The following RNF133 variants were observed in gnomAD, a reference collection of about 807,000 sequenced individuals.
RNF133 encodes the protein ring finger protein 133.
For synonymous variants in RNF133, 153 were observed against 152.1 expected (o/e 1.01, Z -0.04); for missense variants, 469 against 450.5 (o/e 1.04, Z -0.37).
rs1042725911 is a variant in RNF133 at position 122,698,981 on chromosome 7, T to A, written c.-63A>T. The A allele has an allele frequency of 6.7e-6, 8 of 1,194,922 alleles. No homozygotes were observed. The African/African-American group carries it at 1.2e-4, about 18-fold the overall frequency. The allele number at this position is 1,194,922 out of a possible 1,614,324, so 74.0% of individuals were successfully genotyped here. On this transcript the variant is annotated 5_prime_UTR_variant, in exon 1 of 1. Transcript: ENST00000340112. ...AGTTGCACATCTGTTGACAATTAATTTAAAATAACGAAGAGAAAAAAATCT... is the reference window on the plus strand; with the variant it reads ...AGTTGCACATCTGTTGACAATTAATATAAAATAACGAAGAGAAAAAAATCT...
Position 122,698,321 on chromosome 7 carries a change from C to G in RNF133, c.598G>C (p.Ala200Pro), listed in dbSNP as rs774528380. ...TAAAAGATGAAATATGCTAAGGTAG[C>G]AGTTGTGACAATCACAAAAGAGACC... is the stretch of plus-strand genomic sequence containing the variant. ...YLVSFVIVTT[A>P]TLAYFIFYHI... Residue 200 changes from alanine (A) to proline (P), a missense_variant, in exon 1 of 1, where the codon GCT becomes CCT. By Grantham distance (27) the Ala-to-Pro change is conservative. Coordinates refer to ENST00000340112, the MANE Select transcript of RNF133 (RefSeq NM_139175.2). 2 of 1,613,944 alleles carry G rather than the reference C, an allele frequency of 1.2e-6. No individual in the cohort carries two copies. The highest frequency in any genetic ancestry group is 1.7e-6 in the Non-Finnish European group (2 of 1,179,946).
rs1452364127 is a variant in RNF133 at position 122,698,508 on chromosome 7, G to A, written c.411C>T (p.Asn137=). 6.2e-7 allele frequency: 1 copy of A among 1,613,948 alleles called. No homozygotes were observed. Among genetic ancestry groups the A allele is most frequent in the Non-Finnish European group, 8.5e-7 (1 of 1,179,914 alleles). Residue 137 remains asparagine (N), a synonymous_variant, in exon 1 of 1, where the codon AAC becomes AAT. Coordinates refer to ENST00000340112, the MANE Select transcript of RNF133 (RefSeq NM_139175.2). ...VIIYNVPGTG[N]QVFPMFHQAF... is the part of the protein sequence containing the mutation. ...CCTGATGAAACATGGGGAACACCTGGTTGCCAGTACCTGGAACGTTATAGA... is the reference window on the plus strand; with the variant it reads ...CCTGATGAAACATGGGGAACACCTGATTGCCAGTACCTGGAACGTTATAGA...
rs1186616206 is a variant in RNF133, at chr7:122,698,649, G to T, written c.270C>A (p.Thr90=). Residue 90 remains threonine, a synonymous_variant, in exon 1 of 1, where the codon ACC becomes ACA. Transcript: ENST00000340112. ...CTGAGTACTTTGATCGGCTGAAAATGGTATTGGGATTACATGCATTTTGGA... is the reference window on the plus strand; with the variant it reads ...CTGAGTACTTTGATCGGCTGAAAATTGTATTGGGATTACATGCATTTTGGA... ...GKIQNACNPN[T]IFSRSKYSET... 25 of 1,613,864 alleles carry T rather than the reference G, an allele frequency of 1.5e-5. No homozygotes were observed. Among genetic ancestry groups the T allele is most frequent in the Non-Finnish European group, 2.1e-5 (25 of 1,179,942 alleles).
chr7:122,697,807 T>A lies in RNF133; in HGVS notation c.1112A>T (p.Asp371Val). 1 of 1,585,584 alleles carries A rather than the reference T, an allele frequency of 6.3e-7. No homozygotes were observed. Among genetic ancestry groups the A allele is most frequent in the Non-Finnish European group, 8.6e-7 (1 of 1,169,588 alleles). The change falls in exon 1 of 1, where the codon GAT (aspartate) becomes GTT (valine). Residue 371 changes from aspartate to valine, a missense_variant. Coordinates refer to ENST00000340112, the MANE Select transcript of RNF133 (RefSeq NM_139175.2). ...ATGCCATCAAGGTGAAGGATGAACA[T>A]CTTCCACTACTGAATGAGGCTGGAT... ...NDIQPHSVVE[D>V]VHPSP
Position 122,698,945 on chromosome 7 carries a change from AC to A in RNF133, c.-28del, listed in dbSNP as rs1564098133. 6.7e-7 allele frequency: 1 copy of A among 1,503,568 alleles called. No homozygotes were observed. Among genetic ancestry groups the A allele is most frequent in the Non-Finnish European group, 8.9e-7 (1 of 1,119,480 alleles). 93.1% of individuals were successfully genotyped at this position (1,503,568 alleles called of 1,614,324 possible). On this transcript the variant is annotated 5_prime_UTR_variant, in exon 1 of 1. Transcript: ENST00000340112. ...TCTCTCTTCTCCGAGTGACTTAAGAACCAACCTAACAGTTGCACATCTGTTG... is the reference window on the plus strand; with the variant it reads ...TCTCTCTTCTCCGAGTGACTTAAGAACAACCTAACAGTTGCACATCTGTTG...
rs2085626535 is a variant in RNF133, at chr7:122,699,107, A to C, written c.-189T>G. ...GATGTCTTACTAGAGAGAGGTGAAA[A>C]ACTTTAGATTGAAAAATAAATCCCC... On this transcript the variant is annotated 5_prime_UTR_variant, in exon 1 of 1. Transcript: ENST00000340112. The C allele has an allele frequency of 3.7e-6, 2 of 547,756 alleles. No homozygotes were observed. The highest frequency in any genetic ancestry group is 6.5e-6 in the Non-Finnish European group (2 of 305,844). The allele number at this position is 547,756 out of a possible 1,614,324, so 33.9% of individuals were successfully genotyped here.
Position 122,697,890 on chromosome 7 carries a change from T to C in RNF133, c.1029A>G (p.Ala343=). Residue 343 remains alanine (A), a synonymous_variant, in exon 1 of 1, where the codon GCA becomes GCG. Coordinates refer to ENST00000340112, the MANE Select transcript of RNF133 (RefSeq NM_139175.2). ...EEETNNEVSP[A]GTSDKVIHVE... ...CATGGATTACTTTATCTGAGGTTCC[T>C]GCAGGAGAAACTTCATTATTTGTCT... 1 of 1,613,792 alleles carries C rather than the reference T, an allele frequency of 6.2e-7. No homozygotes were observed. Among genetic ancestry groups the C allele is most frequent in the Non-Finnish European group, 8.5e-7 (1 of 1,179,690 alleles).
chr7:122,698,647 A>T lies in RNF133; in HGVS notation c.272T>A (p.Ile91Asn). The T allele has an allele frequency of 1.2e-6, 2 of 1,614,016 alleles. No homozygotes were observed. The highest frequency in any genetic ancestry group is 1.7e-6 in the Non-Finnish European group (2 of 1,179,938). ...KIQNACNPNT[I>N]FSRSKYSETW... is the part of the protein sequence containing the mutation. Reference sequence around the variant, plus strand: ...CTCTGAGTACTTTGATCGGCTGAAAATGGTATTGGGATTACATGCATTTTG... The same window carrying T: ...CTCTGAGTACTTTGATCGGCTGAAATTGGTATTGGGATTACATGCATTTTG... The change falls in exon 1 of 1, where the codon ATT (isoleucine) becomes AAT (asparagine). Residue 91 changes from isoleucine to asparagine, a missense_variant. Transcript: ENST00000340112.
In RNF133 at chr7:122,698,585, A is replaced by G. The variant is rs369124530; in HGVS notation, c.334T>C (p.Phe112Leu). The G allele has an allele frequency of 4.3e-6, 7 of 1,614,056 alleles. No homozygotes were observed. The highest frequency in any genetic ancestry group is 3.3e-5 in the South Asian group (3 of 91,076). The change falls in exon 1 of 1, where the codon TTC becomes CTC. Residue 112 changes from phenylalanine to leucine, a missense_variant. By Grantham distance (22) the Phe-to-Leu change is conservative. Transcript: ENST00000340112. ...GTTGCCACTTTAATTTTCTGTGTGAAGGTACAACCTCCCCGTTCAATAAGT... is the reference window on the plus strand; with the variant it reads ...GTTGCCACTTTAATTTTCTGTGTGAGGGTACAACCTCCCCGTTCAATAAGT... ...LALIERGGCT[F>L]TQKIKVATEK...
Position 122,698,436 on chromosome 7 carries a change from C to T in RNF133, c.483G>A (p.Thr161=), listed in dbSNP as rs1423058322. ...CCTTCTTAATTAAATGGAAAATTTC[C>T]GTGCCTTTTAAGTTACCAATCATAA... ...VVVMIGNLKG[T]EIFHLIKKGV... is the part of the protein sequence containing the mutation. Residue 161 remains threonine, a synonymous_variant, in exon 1 of 1, where the codon ACG becomes ACA. Transcript: ENST00000340112. 11 of 1,613,806 alleles carry T rather than the reference C, an allele frequency of 6.8e-6. No homozygotes were observed. The highest frequency in any genetic ancestry group is 1.6e-4 in the Middle Eastern group (1 of 6,084).
At position 122,698,267 on chromosome 7, in the gene RNF133, T is replaced by A; in HGVS notation, c.652A>T (p.Ile218Phe). The A allele has an allele frequency of 1.9e-6, 3 of 1,614,044 alleles. No homozygotes were observed. Among genetic ancestry groups the A allele is most frequent in the Non-Finnish European group, 2.5e-6 (3 of 1,179,952 alleles). Reference sequence around the variant, plus strand: ...AATCGCTGCCATCTCCGGTTCTGAATCCTTGCTAAACAAAGTCTATGAATG... The same window carrying A: ...AATCGCTGCCATCTCCGGTTCTGAAACCTTGCTAAACAAAGTCTATGAATG... ...YHIHRLCLAR[I>F]QNRRWQRLTT... The change falls in exon 1 of 1, where the codon ATT becomes TTT. Residue 218 changes from isoleucine (I) to phenylalanine (F), a missense_variant. Transcript: ENST00000340112.
In RNF133 at chr7:122,698,072, T is replaced by C. The variant is rs188472847; in HGVS notation, c.847A>G (p.Ile283Val). 1.6e-5 allele frequency: 26 copies of C among 1,614,036 alleles called. 1 individual carries two copies. The Middle Eastern group carries it at 6.6e-4, about 41-fold the overall frequency. Reference sequence around the variant, plus strand: ...CCATGGGGTAAAATCCAGGGGTCAATGCAATTCTTGTGGAAAAAATGTTTA... The same window carrying C: ...CCATGGGGTAAAATCCAGGGGTCAACGCAATTCTTGTGGAAAAAATGTTTA... ...TCKHFFHKNC[I>V]DPWILPHGTC... The change falls in exon 1 of 1, where the codon ATT (isoleucine) becomes GTT (valine). Residue 283 changes from isoleucine (I) to valine (V), a missense_variant. By Grantham distance (29) the Ile-to-Val change is conservative (BLOSUM62 3). Coordinates refer to ENST00000340112, the MANE Select transcript of RNF133 (RefSeq NM_139175.2).
At position 122,697,822 on chromosome 7, in the gene RNF133, T is replaced by C; in HGVS notation, c.1097A>G (p.His366Arg). The C allele has an allele frequency of 2.5e-6, 4 of 1,598,434 alleles. No individual in the cohort carries two copies. The highest frequency in any genetic ancestry group is 2.6e-6 in the Non-Finnish European group (3 of 1,174,648). ...PTSQNNDIQP[H>R]SVVEDVHPSP ...AGGATGAACATCTTCCACTACTGAATGAGGCTGGATGTCATTATTCTGAGA... is the reference window on the plus strand; with the variant it reads ...AGGATGAACATCTTCCACTACTGAACGAGGCTGGATGTCATTATTCTGAGA... The change falls in exon 1 of 1, where the codon CAT becomes CGT. Residue 366 changes from histidine (H) to arginine (R), a missense_variant. His to Arg is a conservative substitution (Grantham distance 29). Coordinates refer to ENST00000340112, the MANE Select transcript of RNF133 (RefSeq NM_139175.2).
chr7:122,698,860 T>C lies in RNF133; in HGVS notation c.59A>G (p.Lys20Arg). ...RNNTASSWLMKFSVLWLVSQN... is the reference protein window; with the variant it reads ...RNNTASSWLMRFSVLWLVSQN... ...ACTAACAAGCCAAAGAACACTGAAC[T>C]TCATAAGCCAGGAAGAGGCAGTGTT... is the stretch of plus-strand genomic sequence containing the variant. The change falls in exon 1 of 1, where the codon AAG becomes AGG. Residue 20 changes from lysine to arginine, a missense_variant. Transcript: ENST00000340112. The C allele has an allele frequency of 6.2e-7, 1 of 1,612,004 alleles. No homozygotes were observed. The highest frequency in any genetic ancestry group is 8.5e-7 in the Non-Finnish European group (1 of 1,178,972).
Position 122,699,005 on chromosome 7 carries a change from C to A in RNF133, c.-87G>T, listed in dbSNP as rs2085610236. 1 of 947,558 alleles carries A rather than the reference C, an allele frequency of 1.1e-6. No homozygotes were observed. The highest frequency in any genetic ancestry group is 1.6e-6 in the Non-Finnish European group (1 of 637,566). 58.7% of individuals were successfully genotyped at this position (947,558 alleles called of 1,614,324 possible). On this transcript the variant is annotated 5_prime_UTR_variant, in exon 1 of 1. Coordinates refer to ENST00000340112, the MANE Select transcript of RNF133 (RefSeq NM_139175.2). ...TTTAAAATAACGAAGAGAAAAAAAT[C>A]TTCAGGATACAAACAAGATCCACTG...
Position 122,698,993 on chromosome 7 carries a change from A to G in RNF133, c.-75T>C, listed in dbSNP as rs1335704324. 1 of 1,099,642 alleles carries G rather than the reference A, an allele frequency of 9.1e-7. No individual in the cohort carries two copies. Among genetic ancestry groups the G allele is most frequent in the African/African-American group, 1.6e-5 (1 of 63,576 alleles). 68.1% of individuals were successfully genotyped at this position (1,099,642 alleles called of 1,614,324 possible). On this transcript the variant is annotated 5_prime_UTR_variant, in exon 1 of 1. Transcript: ENST00000340112. ...GTTGACAATTAATTTAAAATAACGA[A>G]GAGAAAAAAATCTTCAGGATACAAA...
Position 122,698,966 on chromosome 7 carries a change from C to A in RNF133, c.-48G>T. ...AAGAACCAACCTAACAGTTGCACAT[C>A]TGTTGACAATTAATTTAAAATAACG... On this transcript the variant is annotated 5_prime_UTR_variant, in exon 1 of 1. Coordinates refer to ENST00000340112, the MANE Select transcript of RNF133 (RefSeq NM_139175.2). The A allele has an allele frequency of 1.5e-6, 2 of 1,293,458 alleles. No homozygotes were observed. The highest frequency in any genetic ancestry group is 3.0e-5 in the South Asian group (2 of 65,892). The allele number at this position is 1,293,458 out of a possible 1,614,324, so 80.1% of individuals were successfully genotyped here.
rs1588501625 is a variant in RNF133 at position 122,697,926 on chromosome 7, A to G, written c.993T>C (p.Pro331=). ...CTTCATTATTTGTCTCCTCTTCACT[A>G]GGTGATAAGGTTTCAGGCAGTTCAT... ...MSNELPETLS[P]SEEETNNEVS... Residue 331 remains proline, a synonymous_variant, in exon 1 of 1, where the codon CCT becomes CCC. Coordinates refer to ENST00000340112, the MANE Select transcript of RNF133 (RefSeq NM_139175.2). 2 of 1,613,854 alleles carry G rather than the reference A, an allele frequency of 1.2e-6. No homozygotes were observed. Among genetic ancestry groups the G allele is most frequent in the Non-Finnish European group, 1.7e-6 (2 of 1,179,832 alleles).
rs974868981 is a variant in RNF133 at position 122,698,822 on chromosome 7, T to C, written c.97A>G (p.Arg33Gly). The C allele has an allele frequency of 1.2e-6, 2 of 1,613,698 alleles. No individual in the cohort carries two copies. Among genetic ancestry groups the C allele is most frequent in the Non-Finnish European group, 1.7e-6 (2 of 1,179,762 alleles). ...VLWLVSQNCCRASVVWMAYMN... is the reference protein window; with the variant it reads ...VLWLVSQNCCGASVVWMAYMN... Reference sequence around the variant, plus strand: ...TAAGCCATCCAAACAACACTTGCTCTGCAACAGTTCTGACTAACAAGCCAA... The same window carrying C: ...TAAGCCATCCAAACAACACTTGCTCCGCAACAGTTCTGACTAACAAGCCAA... The change falls in exon 1 of 1, where the codon AGA becomes GGA. Residue 33 changes from arginine (R) to glycine (G), a missense_variant. Physicochemically the swap from Arg to Gly is moderately radical, Grantham distance 125 (BLOSUM62 -2). Coordinates refer to ENST00000340112, the MANE Select transcript of RNF133 (RefSeq NM_139175.2).
Sources: allele counts gnomAD v4.1 joint callset, GRCh38; gene constraint gnomAD v4.1.1; transcripts MANE v1.5; gene names NCBI Gene and HGNC (gene_info 2026-07-23, HGNC 2026-07-21).